The following PPP1R15B variants were observed in gnomAD, a reference collection of about 807,000 sequenced individuals.
The protein encoded by PPP1R15B is protein phosphatase 1, regulatory (inhibitor) subunit 15B.
PPP1R15B carries 31 observed loss-of-function variants against 53.9 expected under a neutral mutation model. The ratio of observed to expected loss-of-function variants is 0.58; its 90% confidence interval spans 0.43 to 0.78. The LOEUF is 0.78. Among genes scored for constraint, PPP1R15B ranks in the 30% least tolerant of loss-of-function variants. PPP1R15B has a pLI of 0.00. For missense variants in PPP1R15B, 928 were observed against 849.6 expected (o/e 1.09, Z -1.15); for synonymous variants, 345 against 329.1 (o/e 1.05, Z -0.52).
At chr1:204,403,359 T>C (rs1287712227), downstream of PPP1R15B, 1 of 621,114 alleles carries the variant, frequency 1.6e-6, no homozygotes, top group Non-Finnish European at 2.0e-6. Flanking sequence ...ACATATAATA[T>C]AAAGTTGAAC....
chr1:204,409,069 T>G (rs1674312659), intron 1 of PPP1R15B, among the ~76,000 whole-genome samples: 1 of 152,230 alleles, frequency 6.6e-6, no homozygotes, highest in African/African-American at 2.4e-5. Context: ...AAAAAAATAT[T>G]AAGTATTTGC....
At chr1:204,395,963 ATACT>A (rs1558212090), downstream of PPP1R15B, among the ~76,000 whole-genome samples, 3 of 152,320 alleles carry the variant, frequency 2.0e-5, no homozygotes, top group South Asian at 2.1e-4. Flanking sequence ...CATTGAATTC[ATACT>A]TAAACAAGCC....
chr1:204,403,427 G>A lies in PPP1R15B; in HGVS notation c.*2665C>T, dbSNP rs1279775490. 6.7e-6 allele frequency: 5 copies of A among 746,812 alleles called. No individual in the cohort carries two copies. Among genetic ancestry groups the A allele is most frequent in the Non-Finnish European group, 8.2e-6 (5 of 612,660 alleles). The allele number at this position is 746,812 out of a possible 1,614,324, so 46.3% of individuals were successfully genotyped here. The stretch of plus-strand genomic sequence containing the variant: ...TATATTTATTACAATTTACAGATTA[G>A]TTATGTTATATACACAAATATAATT... On this transcript the variant is annotated 3_prime_UTR_variant, in exon 2 of 2. Transcript: ENST00000367188.
At position 204,406,276 on chromosome 1, in the gene PPP1R15B, C is replaced by T. The variant is rs762921048; in HGVS notation, c.1958G>A (p.Ser653Asn). The T allele has an allele frequency of 1.2e-6, 2 of 1,614,098 alleles. No individual in the cohort carries two copies. Among genetic ancestry groups the T allele is most frequent in the Non-Finnish European group, 1.7e-6 (2 of 1,179,992 alleles). The stretch of plus-strand genomic sequence containing the variant: ...TGGTCCTTTGCGATCCTCATCACCA[C>T]TTATATAATACTCAGTAACTTCTTC... ...FLEEVTEYYI[S>N]GDEDRKGPWE... Residue 653 changes from serine (S) to asparagine (N), a missense_variant, in exon 2 of 2, where the codon AGT becomes AAT. By Grantham distance (46) the Ser-to-Asn change is conservative. Coordinates refer to ENST00000367188, the MANE Select transcript of PPP1R15B (RefSeq NM_032833.5).
In PPP1R15B at chr1:204,410,109, T is replaced by C. The variant is rs746350875; in HGVS notation, c.1303A>G (p.Ser435Gly). Residue 435 changes from serine to glycine, a missense_variant, in exon 1 of 2, where the codon AGT becomes GGT. Transcript: ENST00000367188. Reference sequence around the variant, plus strand: ...GGATCAGAACTTGTTTCCAGGTCACTGGATGCACCTCCCAAAATATAATCT... The same window carrying C: ...GGATCAGAACTTGTTTCCAGGTCACCGGATGCACCTCCCAAAATATAATCT... The part of the protein sequence containing the change: ...LIDYILGGAS[S>G]DLETSSDPEG... 8 of 1,614,172 alleles carry C rather than the reference T, an allele frequency of 5.0e-6. No homozygotes were observed. The highest frequency in any genetic ancestry group is 6.8e-6 in the Non-Finnish European group (8 of 1,180,040).
At chr1:204,408,347 G>C (rs1674301614) in intron 1 of PPP1R15B, among the ~76,000 whole-genome samples, 1 of 152,210 alleles carries the variant, frequency 6.6e-6, no homozygotes, top group South Asian at 2.1e-4. Flanking sequence ...AAGAGAGATG[G>C]CATTTACAAA....
Position 204,410,928 on chromosome 1 carries a change from C to A in PPP1R15B, c.484G>T (p.Ala162Ser). Reference protein sequence around the residue: ...SPPDLKLELKAKGSALDPAAQ... With the variant: ...SPPDLKLELKSKGSALDPAAQ... ...GCAGGGTCCAAAGCACTTCCCTTGG[C>A]CTTAAGCTCCAATTTTAGGTCTGGG... Residue 162 changes from alanine to serine, a missense_variant, in exon 1 of 2, where the codon GCC becomes TCC. Physicochemically the swap from Ala to Ser is moderately conservative, Grantham distance 99. Transcript: ENST00000367188. 1.2e-6 allele frequency: 2 copies of A among 1,613,964 alleles called. No homozygotes were observed. The highest frequency in any genetic ancestry group is 1.7e-6 in the Non-Finnish European group (2 of 1,179,950).
At chr1:204,397,421 G>C (rs527858516), downstream of PPP1R15B, among the ~76,000 whole-genome samples, 1 of 152,042 alleles carries the variant, frequency 6.6e-6, no homozygotes, top group South Asian at 2.1e-4. Context: ...AGCTACTTGG[G>C]AGGCTGAGAC....
rs898545713 is a variant in PPP1R15B, at chr1:204,410,376, A to G, written c.1036T>C (p.Phe346Leu). 1 of 1,614,094 alleles carries G rather than the reference A, an allele frequency of 6.2e-7. No individual in the cohort carries two copies. Among genetic ancestry groups the G allele is most frequent in the Non-Finnish European group, 8.5e-7 (1 of 1,179,998 alleles). ...GGAATGTCTCCAGCAGCAGGAACAA[A>G]CTGTGTTGGGTTATCTCTGCAGTGT... ...PKHCRDNPTQFVPAAGDIPGN... is the reference protein window; with the variant it reads ...PKHCRDNPTQLVPAAGDIPGN... The change falls in exon 1 of 2, where the codon TTT becomes CTT. Residue 346 changes from phenylalanine (F) to leucine (L), a missense_variant. Transcript: ENST00000367188.
chr1:204,405,631 T>C lies in PPP1R15B; in HGVS notation c.*461A>G, dbSNP rs998727576. 1.2e-5 allele frequency: 12 copies of C among 982,492 alleles called. No individual in the cohort carries two copies. The African/African-American group carries it at 1.4e-4, about 11-fold the overall frequency. The allele number at this position is 982,492 out of a possible 1,614,324, so 60.9% of individuals were successfully genotyped here. A position where few individuals can be genotyped will look rare whatever the true frequency, so the allele number is the denominator to read the frequency against. On this transcript the variant is annotated 3_prime_UTR_variant, in exon 2 of 2. Transcript: ENST00000367188. ...CCAAATCATTGAAATAAAAAAAATA[T>C]AGAAAAACATAAAAGCCCATTAACT...
chr1:204,397,224 T>TA (rs1345051333), downstream of PPP1R15B, among the ~76,000 whole-genome samples: 2 of 149,874 alleles, frequency 1.3e-5, no homozygotes, highest in Non-Finnish European at 1.5e-5. Context: ...TAAAATAAAA[T>TA]AAAATAAATA....
Position 204,406,150 on chromosome 1 carries a change from A to G in PPP1R15B, c.2084T>C (p.Met695Thr), listed in dbSNP as rs765194689. The G allele has an allele frequency of 1.2e-6, 2 of 1,614,142 alleles. No homozygotes were observed. Among genetic ancestry groups the G allele is most frequent in the Non-Finnish European group, 1.7e-6 (2 of 1,180,002 alleles). Residue 695 changes from methionine to threonine, a missense_variant, in exon 2 of 2, where the codon ATG becomes ACG. Physicochemically the swap from Met to Thr is moderately conservative, Grantham distance 81 (BLOSUM62 -1). Transcript: ENST00000367188. ...GCATGTTCCCTGGAGTCTATTAAACATTCTTTCTCTGTGTTCAAATGTCAA... is the reference window on the plus strand; with the variant it reads ...GCATGTTCCCTGGAGTCTATTAAACGTTCTTTCTCTGTGTTCAAATGTCAA... The part of the protein sequence containing the change: ...YCLTFEHRER[M>T]FNRLQGTCFK...
In PPP1R15B at chr1:204,410,895, C is replaced by T. The variant is rs1477957872; in HGVS notation, c.517G>A (p.Ala173Thr). 4 of 1,614,084 alleles carry T rather than the reference C, an allele frequency of 2.5e-6. No homozygotes were observed. The highest frequency in any genetic ancestry group is 2.5e-6 in the Non-Finnish European group (3 of 1,179,998). ...CACAGCTGCTGCTCTAAGAGAAAAG[C>T]CTGTGCTGCAGGGTCCAAAGCACTT... ...KGSALDPAAQ[A>T]FLLEQQLWGV... The change falls in exon 1 of 2, where the codon GCT (alanine) becomes ACT (threonine). Residue 173 changes from alanine to threonine, a missense_variant. Ala to Thr is a moderately conservative substitution (Grantham distance 58, BLOSUM62 0). Coordinates refer to ENST00000367188, the MANE Select transcript of PPP1R15B (RefSeq NM_032833.5).
intron 1 of PPP1R15B, among the ~76,000 whole-genome samples, chr1:204,406,743 ACT>A (rs994281785): frequency 4.8e-5 from 5 of 104,356 alleles, no homozygotes; most frequent in African/African-American, 1.4e-4. Flanking sequence ...CAAGAGCAAA[ACT>A]CTGTCTCAAA....
chr1:204,404,938 TCTATC>T lies in PPP1R15B; in HGVS notation c.*1149_*1153del, dbSNP rs1674239161. Reference sequence around the variant, plus strand: ...AACTTTCCAGTCATTAATCTATACTTCTATCCTTTCCTGAAAGTAAAGGCCTTGCC... The same window carrying T: ...AACTTTCCAGTCATTAATCTATACTTCTTTCCTGAAAGTAAAGGCCTTGCC... On this transcript the variant is annotated 3_prime_UTR_variant, in exon 2 of 2. Coordinates refer to ENST00000367188, the MANE Select transcript of PPP1R15B (RefSeq NM_032833.5). 3.0e-6 allele frequency: 3 copies of T among 985,608 alleles called. No homozygotes were observed. Among genetic ancestry groups the T allele is most frequent in the Admixed American group, 6.1e-5 (1 of 16,292 alleles). 61.1% of individuals were successfully genotyped at this position (985,608 alleles called of 1,614,324 possible).
chr1:204,401,706 T>C (rs1308744416), downstream of PPP1R15B, among the ~76,000 whole-genome samples: 1 of 152,086 alleles, frequency 6.6e-6, no homozygotes, highest in Admixed American at 6.5e-5. Context: ...TGAGTAACTA[T>C]CTAAATTTCT....
Position 204,410,386 on chromosome 1 carries a change from G to A in PPP1R15B, c.1026C>T (p.Asn342=). ...LRMDPKHCRD[N]PTQFVPAAGD... is the part of the protein sequence containing the mutation. ...CAGCAGCAGGAACAAACTGTGTTGG[G>A]TTATCTCTGCAGTGTTTTGGATCCA... The change falls in exon 1 of 2, where the codon AAC becomes AAT. Residue 342 remains asparagine, a synonymous_variant. Transcript: ENST00000367188. 6.2e-7 allele frequency: 1 copy of A among 1,614,194 alleles called. No homozygotes were observed. Among genetic ancestry groups the A allele is most frequent in the Non-Finnish European group, 8.5e-7 (1 of 1,180,038 alleles).
Position 204,405,930 on chromosome 1 carries a change from GT to G in PPP1R15B, c.*161del. 1 of 1,416,020 alleles carries G rather than the reference GT, an allele frequency of 7.1e-7. No individual in the cohort carries two copies. 87.7% of individuals were successfully genotyped at this position (1,416,020 alleles called of 1,614,324 possible). A position where few individuals can be genotyped will look rare whatever the true frequency, so the allele number is the denominator to read the frequency against. ...ATCAGGGCTGGCTTCAAACCTGAAT[GT>G]TTCTGAGTGGGATATGTTGCAAAAA... On this transcript the variant is annotated 3_prime_UTR_variant, in exon 2 of 2. Coordinates refer to ENST00000367188, the MANE Select transcript of PPP1R15B (RefSeq NM_032833.5).
In PPP1R15B at chr1:204,403,472, T is replaced by A; in HGVS notation, c.*2620A>T. The A allele has an allele frequency of 1.2e-6, 1 of 866,372 alleles. No individual in the cohort carries two copies. Among genetic ancestry groups the A allele is most frequent in the Non-Finnish European group, 1.4e-6 (1 of 721,372 alleles). The allele number at this position is 866,372 out of a possible 1,614,324, so 53.7% of individuals were successfully genotyped here. A position where few individuals can be genotyped will look rare whatever the true frequency, so the allele number is the denominator to read the frequency against. Reference sequence around the variant, plus strand: ...ATAATTTTAACTATAAAATCCCAACTAGTTACATTTAAATTATTGATCTGT... The same window carrying A: ...ATAATTTTAACTATAAAATCCCAACAAGTTACATTTAAATTATTGATCTGT... On this transcript the variant is annotated 3_prime_UTR_variant, in exon 2 of 2. Coordinates refer to ENST00000367188, the MANE Select transcript of PPP1R15B (RefSeq NM_032833.5).
Sources: gnomAD v4.1 joint callset for allele counts (sites outside exome capture counted in the v4.1 genomes callset) on GRCh38, gnomAD v4.1.1 for gene constraint, MANE v1.5 for transcripts, NCBI Gene and HGNC (gene_info 2026-07-23, HGNC 2026-07-21) for gene names.